The following PCCA variants were observed in gnomAD, a reference collection of about 807,000 sequenced individuals.
PCCA encodes propionyl-CoA carboxylase subunit alpha.
PCCA carries 74 observed loss-of-function variants against 101.3 expected under a neutral mutation model. The observed-to-expected ratio is 0.73, with a 90% CI of 0.61 to 0.89. The LOEUF (loss-of-function observed/expected upper bound fraction) is 0.89, where lower values mean the gene tolerates loss of function less well. PCCA is among the 40% of genes least tolerant of loss of function. The pLI, the probability that PCCA is intolerant of heterozygous loss-of-function variation, is 0.00. For synonymous variants in PCCA, 294 were observed against 313.6 expected, an observed-to-expected ratio of 0.94 and a Z score of 0.66; for missense variants, 891 against 907.0, an observed-to-expected ratio of 0.98 and a Z score of 0.23.
At chr13:100,241,481 AT>A (rs1156812816) in intron 8 of PCCA, among the ~76,000 whole-genome samples, 1 of 151,662 alleles carries the variant, frequency 6.6e-6, no homozygotes. Flanking sequence ...TCTGTTTTTT[AT>A]TTTTTTGAGA....
At chr13:100,089,276 G>A in intron 1 of PCCA, 51 bp downstream of exon 1, 1 of 1,407,886 alleles carries the variant, frequency 7.1e-7, no homozygotes, top group Non-Finnish European at 9.3e-7. Context: ...GCTTCTAGCC[G>A]TGCCGCCTCT....
chr13:100,159,825 C>CTCCCACCCA (rs1363185955), intron 6 of PCCA, among the ~76,000 whole-genome samples: 1 of 152,148 alleles, frequency 6.6e-6, no homozygotes, highest in Non-Finnish European at 1.5e-5. Flanking sequence ...TGTGCCTGGC[C>CTCCCACCCA]TCCCACCCAC....
intron 18 of PCCA, among the ~76,000 whole-genome samples, chr13:100,355,978 A>G (rs1165708508): frequency 1.3e-5 from 2 of 152,194 alleles, no homozygotes; most frequent in Non-Finnish European, 2.9e-5. Flanking sequence ...TTTACAGTCA[A>G]TTGAGTTCAG....
At chr13:100,139,966 C>G (rs2051666817) in intron 4 of PCCA, among the ~76,000 whole-genome samples, 1 of 151,570 alleles carries the variant, frequency 6.6e-6, no homozygotes, top group African/African-American at 2.4e-5. Flanking sequence ...CAGATCCACC[C>G]CACATATGTG....
chr13:100,320,164 G>C (rs1369651892), intron 16 of PCCA, among the ~76,000 whole-genome samples: 1 of 152,128 alleles, frequency 6.6e-6, no homozygotes, highest in African/African-American at 2.4e-5. Flanking sequence ...TGTGATTTTT[G>C]CACATTGATT....
chr13:100,261,318 G>A (rs1033591652), intron 9 of PCCA, among the ~76,000 whole-genome samples: 5 of 151,272 alleles, frequency 3.3e-5, no homozygotes, highest in South Asian at 2.1e-4. Flanking sequence ...GGCAATATAT[G>A]CTCAATTACT....
chr13:100,506,735 A>ATG (rs2086107470), intron 21 of PCCA, among the ~76,000 whole-genome samples: 1 of 152,158 alleles, frequency 6.6e-6, no homozygotes, highest in South Asian at 2.1e-4. Flanking sequence ...TTCTGACAGC[A>ATG]TGACTTCAAC....
chr13:100,247,370 C>G (rs1389947272), intron 8 of PCCA, among the ~76,000 whole-genome samples: 1 of 151,776 alleles, frequency 6.6e-6, no homozygotes, highest in Non-Finnish European at 1.5e-5. Context: ...GTGCCTGCCT[C>G]CACGCCCGGC....
At chr13:100,281,312 T>C (rs542515601) in intron 12 of PCCA, among the ~76,000 whole-genome samples, 16 of 152,372 alleles carry the variant, frequency 1.1e-4, no homozygotes, top group Non-Finnish European at 2.2e-4. Flanking sequence ...GTGCTACTTT[T>C]GCTGTCAAAA....
At chr13:100,382,519 C>T (rs2076285273) in intron 19 of PCCA, among the ~76,000 whole-genome samples, 1 of 152,124 alleles carries the variant, frequency 6.6e-6, no homozygotes, top group Non-Finnish European at 1.5e-5. Flanking sequence ...GGAACTTCAC[C>T]AGGGACCCAC....
intron 6 of PCCA, among the ~76,000 whole-genome samples, chr13:100,201,434 A>G (rs1056630371): frequency 2.6e-5 from 4 of 152,196 alleles, no homozygotes; most frequent in Non-Finnish European, 5.9e-5. Context: ...AGTGTAAACT[A>G]TGAGCATGGT....
chr13:100,231,142 A>C (rs576144175), intron 7 of PCCA, among the ~76,000 whole-genome samples: 1 of 152,214 alleles, frequency 6.6e-6, no homozygotes, highest in Non-Finnish European at 1.5e-5. Flanking sequence ...TGTACATAAC[A>C]TGCACCACAT....
chr13:100,237,731 A>C (rs184795909), intron 8 of PCCA, among the ~76,000 whole-genome samples: 90 of 152,200 alleles, frequency 5.9e-4, no homozygotes, highest in African/African-American at 2.0e-3. Flanking sequence ...TACTGTTATT[A>C]TTATTATTAC....
At chr13:100,327,782 G>A (rs1278644073) in intron 16 of PCCA, among the ~76,000 whole-genome samples, 1 of 152,132 alleles carries the variant, frequency 6.6e-6, no homozygotes, top group Non-Finnish European at 1.5e-5. Context: ...GCATCTCATT[G>A]TGTTTCTTTA....
chr13:100,287,976 G>C (rs973822164), intron 12 of PCCA, among the ~76,000 whole-genome samples: 3 of 152,048 alleles, frequency 2.0e-5, no homozygotes, highest in Non-Finnish European at 4.4e-5. Context: ...TCTTTCTGTG[G>C]TAGACCTTCA....
intron 4 of PCCA, among the ~76,000 whole-genome samples, chr13:100,114,570 C>T (rs1333286117): frequency 6.6e-6 from 1 of 152,040 alleles, no homozygotes; most frequent in Non-Finnish European, 1.5e-5. Flanking sequence ...TGCGCTGTAG[C>T]GTGGGCGACC....
intron 16 of PCCA, among the ~76,000 whole-genome samples, chr13:100,311,562 G>A: frequency 6.6e-6 from 1 of 152,070 alleles, no homozygotes; most frequent in East Asian, 1.9e-4. Context: ...TTGAGGTCAG[G>A]AGCTCAAGAC....
chr13:100,339,758 A>G (rs577155739), intron 17 of PCCA, among the ~76,000 whole-genome samples: 38 of 152,288 alleles, frequency 2.5e-4, no homozygotes, highest in Middle Eastern at 6.8e-3. Context: ...CTCCAGGGAC[A>G]GGGGCTTCTT....
At chr13:100,478,410 T>C (rs949348670) in intron 21 of PCCA, among the ~76,000 whole-genome samples, 1 of 152,180 alleles carries the variant, frequency 6.6e-6, no homozygotes, top group Non-Finnish European at 1.5e-5. Flanking sequence ...TCTGGAACTG[T>C]AGCTTCTCAG....
Sources: gnomAD v4.1 joint callset for allele counts (sites outside exome capture counted in the v4.1 genomes callset) on GRCh38, gnomAD v4.1.1 for gene constraint, MANE v1.5 for transcripts, NCBI Gene and HGNC (gene_info 2026-07-23, HGNC 2026-07-21) for gene names.